The following PRKN variants were observed in gnomAD, a reference collection of about 807,000 sequenced individuals.
PRKN encodes the protein parkin RBR E3 ubiquitin protein ligase.
In PRKN, 56 loss-of-function variants were observed where a neutral mutation model predicts 59.5. The ratio of observed to expected loss-of-function variants is 0.94; its 90% CI spans 0.76 to 1.18. The LOEUF (loss-of-function observed/expected upper bound fraction) is 1.18. PRKN is among the 50% of genes most tolerant of loss of function. The pLI is 0.00. For synonymous variants in PRKN, 250 were observed against 222.1 expected, an observed-to-expected ratio of 1.13 and a Z score of -1.12; for missense variants, 657 against 596.4, an observed-to-expected ratio of 1.10 and a Z score of -1.06.
chr6:161,917,980 C>T (rs1778636923), intron 6 of PRKN, among the ~76,000 whole-genome samples: 1 of 152,166 alleles, frequency 6.6e-6, no homozygotes, highest in African/African-American at 2.4e-5. Context: ...CTATCCTTCA[C>T]CATAATTTCA....
At position 161,545,926 on chromosome 6, in the gene PRKN, C is replaced by T. The variant is rs117848597; in HGVS notation, c.1083+2928G>A. Among the ~76,000 whole-genome samples, 198 of 152,218 alleles carry T rather than the reference C, an allele frequency of 1.3e-3. 2 individuals are homozygous for T. Among genetic ancestry groups the T allele is most frequent in the East Asian group, 0.013 (66 of 5,182 alleles). ...CACAGGCATCACATTTCCTGTGTAA[C>T]GATCACAATATAAACAAATGGCATG... On this transcript the variant is annotated intron_variant, in intron 9 of 11. Transcript: ENST00000366898. The surrounding 1 kb of genome is among the most constrained non-coding windows in gnomAD (Gnocchi z 4.1).
intron 1 of PRKN, among the ~76,000 whole-genome samples, chr6:162,505,810 C>G (rs1455980997): frequency 1.3e-5 from 2 of 152,124 alleles, no homozygotes; most frequent in African/African-American, 4.8e-5. Context: ...TTTGTCACAT[C>G]AGCGTGATAA....
At chr6:161,540,728 C>T (rs1779587050) in intron 9 of PRKN, among the ~76,000 whole-genome samples, 1 of 152,228 alleles carries the variant, frequency 6.6e-6, no homozygotes, top group African/African-American at 2.4e-5. Flanking sequence ...TCTTGCTCTA[C>T]AGAGTTTAGG....
intron 1 of PRKN, among the ~76,000 whole-genome samples, chr6:162,530,988 C>T (rs371572601): frequency 7.2e-6 from 1 of 138,270 alleles, no homozygotes; most frequent in African/African-American, 2.7e-5. Context: ...ACCCGGGAGG[C>T]GGAGATTGCA....
At chr6:161,520,636 A>T (rs1257244018) in intron 9 of PRKN, among the ~76,000 whole-genome samples, 1 of 152,232 alleles carries the variant, frequency 6.6e-6, no homozygotes, top group Non-Finnish European at 1.5e-5. Context: ...GATACAGCTA[A>T]AGATTCCCTA....
intron 4 of PRKN, among the ~76,000 whole-genome samples, chr6:162,089,061 A>T (rs1355284981): frequency 6.6e-6 from 1 of 152,214 alleles, no homozygotes; most frequent in Non-Finnish European, 1.5e-5. Flanking sequence ...ATACACACTG[A>T]ACTACAACTT....
chr6:162,216,486 C>A (rs901173653), intron 3 of PRKN, among the ~76,000 whole-genome samples: 1 of 141,618 alleles, frequency 7.1e-6, no homozygotes, highest in Non-Finnish European at 1.5e-5. Flanking sequence ...GCCGAGATTG[C>A]GCCACTGCAG....
At chr6:162,339,053 C>T (rs1198185936) in intron 2 of PRKN, among the ~76,000 whole-genome samples, 1 of 145,778 alleles carries the variant, frequency 6.9e-6, no homozygotes, top group South Asian at 2.1e-4. Flanking sequence ...CCCCTCCGCC[C>T]GGCAGCCGCC....
intron 1 of PRKN, among the ~76,000 whole-genome samples, chr6:162,650,056 T>G (rs185722926): frequency 1.1e-4 from 16 of 152,310 alleles, no homozygotes; most frequent in Admixed American, 9.2e-4. Flanking sequence ...CAAGCGGCCA[T>G]TTATCACTGT....
chr6:162,406,114 C>T (rs1461235611), intron 2 of PRKN, among the ~76,000 whole-genome samples: 1 of 152,206 alleles, frequency 6.6e-6, no homozygotes, highest in South Asian at 2.1e-4. Flanking sequence ...TACCATTTAG[C>T]AAGGGCTTTT....
intron 9 of PRKN, among the ~76,000 whole-genome samples, chr6:161,517,739 C>A (rs1430927916): frequency 2.3e-4 from 11 of 48,390 alleles, no homozygotes; most frequent in Admixed American, 3.9e-4. Flanking sequence ...GACTCTATCT[C>A]AAAAAAAAAA....
At chr6:162,091,927 T>C (rs1288876108) in intron 4 of PRKN, among the ~76,000 whole-genome samples, 1 of 152,024 alleles carries the variant, frequency 6.6e-6, no homozygotes, top group African/African-American at 2.4e-5. Context: ...TTCAAGCTAG[T>C]TGGGAGGCTG....
At chr6:162,558,657 T>G (rs9458589) in intron 1 of PRKN, among the ~76,000 whole-genome samples, 81,270 of 150,460 alleles carry the variant, frequency 0.54, 22,255 homozygotes, top group East Asian at 0.71. Context: ...TTTAATTTCT[T>G]AGATGGGGTC....
intron 4 of PRKN, among the ~76,000 whole-genome samples, chr6:162,157,512 G>A (rs111493358): frequency 3.3e-5 from 5 of 152,224 alleles, no homozygotes; most frequent in East Asian, 3.9e-4. Flanking sequence ...TAAAAGTACT[G>A]ACAAAAATGC....
chr6:162,325,401 C>G (rs1306256409), intron 2 of PRKN, among the ~76,000 whole-genome samples: 2 of 152,112 alleles, frequency 1.3e-5, no homozygotes, highest in Admixed American at 1.3e-4. Context: ...CAACTCATCT[C>G]GACGGAAACA....
chr6:162,704,800 G>A (rs1401408320), intron 1 of PRKN, among the ~76,000 whole-genome samples: 1 of 152,132 alleles, frequency 6.6e-6, no homozygotes, highest in African/African-American at 2.4e-5. Context: ...CACAGCAGGT[G>A]TGCCCGAGGA....
chr6:162,649,484 C>T (rs1778332751), intron 1 of PRKN, among the ~76,000 whole-genome samples: 1 of 152,094 alleles, frequency 6.6e-6, no homozygotes. Flanking sequence ...AGCCCATCTC[C>T]CCCACACGAC....
At chr6:162,518,475 C>T (rs953973310) in intron 1 of PRKN, among the ~76,000 whole-genome samples, 3 of 152,150 alleles carry the variant, frequency 2.0e-5, no homozygotes, top group Non-Finnish European at 4.4e-5. Flanking sequence ...AAGTGATTCT[C>T]GTGCCTCAGC....
chr6:161,994,476 T>C (rs1781766756), intron 5 of PRKN, among the ~76,000 whole-genome samples: 1 of 151,820 alleles, frequency 6.6e-6, no homozygotes, highest in South Asian at 2.1e-4. Flanking sequence ...ACTAGCCAAG[T>C]CAATCAGGTA....
Sources: allele counts gnomAD v4.1 joint callset (sites outside exome capture counted in the v4.1 genomes callset), GRCh38; gene constraint gnomAD v4.1.1; non-coding constraint Gnocchi (gnomAD v3.1); transcripts MANE v1.5; gene names NCBI Gene and HGNC (gene_info 2026-07-23, HGNC 2026-07-21).